Variants in CSMD1 observed in about 807,000 individuals in gnomAD.
CSMD1 encodes CUB and Sushi multiple domains 1, also known as CUB and sushi domain-containing protein 1.
In CSMD1, 213 loss-of-function variants were observed where a neutral mutation model predicts 417.5. The observed-to-expected ratio is 0.51, with a 90% CI of 0.46 to 0.57. The LOEUF (loss-of-function observed/expected upper bound fraction) is 0.57, where lower values mean the gene tolerates loss of function less well. CSMD1 is among the 20% of genes least tolerant of loss of function. The pLI is 0.00. For synonymous variants in CSMD1, 2,862 were observed against 1,736.8 expected (o/e 1.65, Z -16.11); for missense variants, 6,923 against 4,529.7 (o/e 1.53, Z -15.17).
chr8:4,585,857 G>A (rs965387385), intron 2 of CSMD1, among the ~76,000 whole-genome samples: 1 of 152,134 alleles, frequency 6.6e-6, no homozygotes, highest in Admixed American at 6.6e-5. Flanking sequence ...TATATTAGAT[G>A]AAAGCATGCA....
chr8:4,553,230 G>C (rs6558891), intron 2 of CSMD1, among the ~76,000 whole-genome samples: 92,070 of 151,938 alleles, frequency 0.61, 28,242 homozygotes, highest in Admixed American at 0.68. Context: ...CTAAAATCTG[G>C]ACAGTCTGCA....
intron 5 of CSMD1, among the ~76,000 whole-genome samples, chr8:3,896,134 G>C (rs1365939509): frequency 6.6e-6 from 1 of 152,104 alleles, no homozygotes; most frequent in Non-Finnish European, 1.5e-5. Context: ...TGAGTAACAA[G>C]CCCAATTTGA....
intron 1 of CSMD1, among the ~76,000 whole-genome samples, chr8:4,944,583 C>T (rs969878884): frequency 6.6e-6 from 1 of 152,216 alleles, no homozygotes; most frequent in East Asian, 1.9e-4. Context: ...AATAAATACA[C>T]AAGAAATAAA....
chr8:4,837,666 A>G (rs1054456494), intron 1 of CSMD1, among the ~76,000 whole-genome samples: 1 of 152,204 alleles, frequency 6.6e-6, no homozygotes, highest in Admixed American at 6.5e-5. Flanking sequence ...TACAAAAAAA[A>G]GTTAGAATAA....
intron 3 of CSMD1, among the ~76,000 whole-genome samples, chr8:4,068,391 T>C (rs1799370244): frequency 1.3e-5 from 2 of 152,186 alleles, no homozygotes; most frequent in South Asian, 2.1e-4. Context: ...GTGTGACTTT[T>C]ATTTCACACT....
chr8:4,231,904 T>G (rs759045889), intron 3 of CSMD1, among the ~76,000 whole-genome samples: 1 of 149,802 alleles, frequency 6.7e-6, no homozygotes, highest in African/African-American at 2.5e-5. Flanking sequence ...TACTAAAATT[T>G]CTGAATCTCA....
At chr8:3,467,568 G>A (rs1483088541) in intron 12 of CSMD1, among the ~76,000 whole-genome samples, 2 of 152,166 alleles carry the variant, frequency 1.3e-5, no homozygotes. Flanking sequence ...TTATTCACAA[G>A]GGTCATTAAG....
chr8:4,881,223 C>A (rs934921012), intron 1 of CSMD1, among the ~76,000 whole-genome samples: 2 of 152,116 alleles, frequency 1.3e-5, no homozygotes, highest in Non-Finnish European at 1.5e-5. Context: ...TAGGTCCATT[C>A]TAGTACTTCT....
intron 1 of CSMD1, among the ~76,000 whole-genome samples, chr8:4,921,011 GAAAAGAAAGA>G: frequency 1.1e-4 from 1 of 9,312 alleles, no homozygotes; most frequent in African/African-American, 3.3e-4. Context: ...AAGAAAGAAA[GAAAAGAAAGA>G]AAGGAAGAAA....
Position 3,290,210 on chromosome 8 carries a change from T to C in CSMD1, c.3951-5864A>G, listed in dbSNP as rs574215443. ...TATCTCTGTTTTGGTACCAGTACCA[T>C]GCTGTTTTGGTTACTGTAGCCTTGT... On this transcript the variant is annotated intron_variant, in intron 25 of 69. Coordinates refer to ENST00000635120, the MANE Select transcript of CSMD1 (RefSeq NM_033225.6). 8.3e-4 allele frequency among the ~76,000 whole-genome samples: 118 copies of C among 142,394 alleles called. 7 individuals are homozygous for C. The highest frequency in any genetic ancestry group is 2.3e-3 in the African/African-American group (80 of 35,338). 93.4% of individuals were successfully genotyped at this position (142,394 alleles called of 152,430 possible).
chr8:3,190,074 C>T lies in CSMD1; in HGVS notation c.5236G>A (p.Glu1746Lys). The T allele has an allele frequency of 1.3e-6, 2 of 1,595,200 alleles. No individual in the cohort carries two copies. Among genetic ancestry groups the T allele is most frequent in the Non-Finnish European group, 1.7e-6 (2 of 1,171,026 alleles). Reference sequence around the variant, plus strand: ...CCAATTCTCCTTCCGTATCTGGGCTCGGGGACAGAGCTGCATTGGGTGTCA... The same window carrying T: ...CCAATTCTCCTTCCGTATCTGGGCTTGGGGACAGAGCTGCATTGGGTGTCA... ...TSDTQCSSVPEPRYGRRIGSE... is the reference protein window; with the variant it reads ...TSDTQCSSVPKPRYGRRIGSE... Residue 1746 changes from glutamate (E) to lysine (K), a missense_variant, in exon 34 of 70, where the codon GAG becomes AAG. Coordinates refer to ENST00000635120, the MANE Select transcript of CSMD1 (RefSeq NM_033225.6).
chr8:3,340,785 A>G (rs964608303), intron 23 of CSMD1, among the ~76,000 whole-genome samples: 3 of 152,186 alleles, frequency 2.0e-5, no homozygotes, highest in Admixed American at 6.5e-5. Flanking sequence ...TATTACAAAT[A>G]TATCTTCCCA....
chr8:4,927,049 T>A (rs1279093562), intron 1 of CSMD1, among the ~76,000 whole-genome samples: 1 of 151,062 alleles, frequency 6.6e-6, no homozygotes, highest in African/African-American at 2.4e-5. Flanking sequence ...GCATTCCTTT[T>A]AATGAAAAAA....
chr8:4,146,802 G>A (rs925511512), intron 3 of CSMD1, among the ~76,000 whole-genome samples: 2 of 149,100 alleles, frequency 1.3e-5, no homozygotes, highest in Non-Finnish European at 2.9e-5. Context: ...TAGTAGAGAC[G>A]AGTTTCACCG....
intron 3 of CSMD1, among the ~76,000 whole-genome samples, chr8:4,144,966 G>A (rs1190582945): frequency 1.3e-5 from 2 of 150,898 alleles, no homozygotes; most frequent in African/African-American, 5.0e-5. Context: ...GAAAACAGAA[G>A]GGAGGATAGC....
intron 26 of CSMD1, among the ~76,000 whole-genome samples, chr8:3,281,156 A>G (rs1417188690): frequency 6.6e-6 from 1 of 152,150 alleles, no homozygotes; most frequent in Non-Finnish European, 1.5e-5. Flanking sequence ...GAAAATGGGT[A>G]AACAGGCTGG....
At chr8:4,075,461 C>A (rs1049050505) in intron 3 of CSMD1, among the ~76,000 whole-genome samples, 2 of 151,882 alleles carry the variant, frequency 1.3e-5, no homozygotes, top group African/African-American at 4.8e-5. Context: ...GTTTTCTGTC[C>A]AAATCTCTTG....
intron 3 of CSMD1, among the ~76,000 whole-genome samples, chr8:4,286,902 T>A (rs1195844373): frequency 6.6e-6 from 1 of 152,214 alleles, no homozygotes; most frequent in Non-Finnish European, 1.5e-5. Context: ...GCCAAGGAGT[T>A]GATTCAAATG....
chr8:4,917,585 G>C (rs1343339192), intron 1 of CSMD1, among the ~76,000 whole-genome samples: 1 of 152,300 alleles, frequency 6.6e-6, no homozygotes, highest in Non-Finnish European at 1.5e-5. Context: ...AGTGAGCCGA[G>C]ATCATGCCAC....
Sources: allele counts gnomAD v4.1 joint callset (sites outside exome capture counted in the v4.1 genomes callset), GRCh38; gene constraint gnomAD v4.1.1; transcripts MANE v1.5; gene names NCBI Gene and HGNC (gene_info 2026-07-23, HGNC 2026-07-21).